CPNE8: variants seen among roughly 807,000 people sequenced by gnomAD.
CPNE8 encodes copine 8.
Under a neutral mutation model 81.5 loss-of-function variants are expected in CPNE8, and 45 were observed. That is an observed-to-expected ratio of 0.55 (90% CI 0.44 to 0.71). The LOEUF (loss-of-function observed/expected upper bound fraction) is 0.71, where lower values mean the gene tolerates loss of function less well. Among genes scored for constraint, CPNE8 ranks in the 30% least tolerant of loss-of-function variants. The pLI is 0.00. For missense variants in CPNE8, 594 were observed against 672.1 expected, an observed-to-expected ratio of 0.88 and a Z score of 1.28; for synonymous variants, 252 against 226.3, an observed-to-expected ratio of 1.11 and a Z score of -1.02.
At chr12:38,656,412 T>A (rs1276230289) in intron 19 of CPNE8, among the ~76,000 whole-genome samples, 1 of 151,812 alleles carries the variant, frequency 6.6e-6, no homozygotes, top group Non-Finnish European at 1.5e-5. Context: ...TGGCAAACAG[T>A]TGATGCTTCT....
chr12:38,903,828 C>A (rs1944524383), intron 1 of CPNE8, among the ~76,000 whole-genome samples: 1 of 152,162 alleles, frequency 6.6e-6, no homozygotes, highest in Admixed American at 6.5e-5. Context: ...GTTCCATTGA[C>A]AGAAAAATCT....
chr12:38,660,570 A>T (rs1484134710), intron 19 of CPNE8, among the ~76,000 whole-genome samples: 1 of 152,166 alleles, frequency 6.6e-6, no homozygotes, highest in African/African-American at 2.4e-5. Context: ...AGACTTCATG[A>T]CTAAAACACC....
chr12:38,866,850 A>G (rs1437947080), intron 3 of CPNE8, among the ~76,000 whole-genome samples: 1 of 152,110 alleles, frequency 6.6e-6, no homozygotes, highest in African/African-American at 2.4e-5. Flanking sequence ...TGGGTGTTCA[A>G]TCAAATATTA....
intron 6 of CPNE8, among the ~76,000 whole-genome samples, chr12:38,796,159 T>C (rs878933797): frequency 1.3e-5 from 2 of 152,078 alleles, no homozygotes; most frequent in African/African-American, 2.4e-5. Flanking sequence ...TGGCAGTGCA[T>C]GCCTGTAATT....
chr12:38,896,295 C>T (rs556478063), intron 1 of CPNE8, among the ~76,000 whole-genome samples: 1 of 152,124 alleles, frequency 6.6e-6, no homozygotes, highest in South Asian at 2.1e-4. Context: ...CTGACAAAAA[C>T]CCTCACAATT....
intron 8 of CPNE8, among the ~76,000 whole-genome samples, chr12:38,766,991 A>G (rs1941704331): frequency 6.6e-6 from 1 of 152,138 alleles, no homozygotes; most frequent in African/African-American, 2.4e-5. Flanking sequence ...TTAAGTAGCA[A>G]GGTTATTATT....
chr12:38,866,511 G>T (rs1231965859), intron 3 of CPNE8, among the ~76,000 whole-genome samples: 2 of 152,132 alleles, frequency 1.3e-5, no homozygotes, highest in Non-Finnish European at 2.9e-5. Flanking sequence ...CATTAGCTTT[G>T]TATGTTTCAT....
intron 2 of CPNE8, among the ~76,000 whole-genome samples, chr12:38,873,773 G>A (rs182108789): frequency 5.0e-4 from 76 of 152,074 alleles, no homozygotes; most frequent in Non-Finnish European, 5.0e-4. Context: ...TACAAGATTC[G>A]GAAACACATT....
intron 6 of CPNE8, among the ~76,000 whole-genome samples, chr12:38,806,371 G>T (rs375553024): frequency 1.3e-5 from 2 of 148,924 alleles, no homozygotes; most frequent in Non-Finnish European, 3.0e-5. Flanking sequence ...CTGGCAAACC[G>T]AATCCAGCAG....
In CPNE8 at chr12:38,685,753, A is replaced by G. The variant is rs1939519268; in HGVS notation, c.1144-136T>C. On this transcript the variant is annotated intron_variant, in intron 15 of 19. Coordinates refer to ENST00000331366, the MANE Select transcript of CPNE8 (RefSeq NM_153634.3). ...AGGAACTCTTATTCATAAATTTACA[A>G]TAGCAAAAAAATAATACATTAAGTA... The G allele has an allele frequency of 6.7e-6, 5 of 751,510 alleles. 1 individual carries two copies. In the South Asian group the frequency reaches 1.0e-4, roughly 15 times the overall value. The allele number at this position is 751,510 out of a possible 1,614,324, so 46.6% of individuals were successfully genotyped here. A position where few individuals can be genotyped will look rare whatever the true frequency, so the allele number is the denominator to read the frequency against.
intron 1 of CPNE8, among the ~76,000 whole-genome samples, chr12:38,883,868 T>C (rs192198187): frequency 6.6e-6 from 1 of 152,328 alleles, no homozygotes; most frequent in Non-Finnish European, 1.5e-5. Context: ...AGTGTCTAAC[T>C]TTCTGGTCAG....
chr12:38,704,633 A>G (rs1940041878), intron 13 of CPNE8, among the ~76,000 whole-genome samples: 1 of 151,942 alleles, frequency 6.6e-6, no homozygotes, highest in African/African-American at 2.4e-5. Context: ...CTGGCAACAC[A>G]GTACACTGTG....
chr12:38,744,613 G>C (rs1301479223), intron 10 of CPNE8, among the ~76,000 whole-genome samples: 4 of 152,092 alleles, frequency 2.6e-5, no homozygotes, highest in Non-Finnish European at 4.4e-5. Context: ...AGCTTCATGT[G>C]CTGTGGAGAA....
At chr12:38,886,153 T>A (rs1246139991) in intron 1 of CPNE8, among the ~76,000 whole-genome samples, 1 of 152,168 alleles carries the variant, frequency 6.6e-6, no homozygotes, top group African/African-American at 2.4e-5. Context: ...CCCACTTCAG[T>A]ACAATCACCA....
intron 12 of CPNE8, among the ~76,000 whole-genome samples, chr12:38,724,469 G>A (rs1690197093): frequency 6.6e-6 from 1 of 152,040 alleles, no homozygotes. Flanking sequence ...CCCACGAAAC[G>A]AGTCTTACTT....
chr12:38,889,197 A>G (rs78012427), intron 1 of CPNE8, among the ~76,000 whole-genome samples: 8,089 of 152,292 alleles, frequency 0.053, 688 homozygotes, highest in African/African-American at 0.18. Context: ...GATTATTTAT[A>G]TTCCATTAAG....
At chr12:38,756,945 G>A (rs572955623) in intron 10 of CPNE8, among the ~76,000 whole-genome samples, 2 of 152,146 alleles carry the variant, frequency 1.3e-5, no homozygotes, top group Non-Finnish European at 2.9e-5. Context: ...TAGTAATTTT[G>A]TATTGATTCT....
rs527443099 is a variant in CPNE8, at chr12:38,652,941, AGAGAGCCAGTATCCCTTT to A, written c.*923_*940del. On this transcript the variant is annotated 3_prime_UTR_variant, in exon 20 of 20. Coordinates refer to ENST00000331366, the MANE Select transcript of CPNE8 (RefSeq NM_153634.3). ...TGGTGATAACAAGAAATTCCGATCA[AGAGAGCCAGTATCCCTTT>A]GAATTAAAATATCTAGACAAGATAT... 2.0e-5 allele frequency: 3 copies of A among 152,778 alleles called. No homozygotes were observed. In the East Asian group the frequency reaches 5.8e-4, roughly 29 times the overall value. 9.5% of individuals were successfully genotyped at this position (152,778 alleles called of 1,614,324 possible).
intron 1 of CPNE8, among the ~76,000 whole-genome samples, chr12:38,905,001 T>C (rs999749741): frequency 6.6e-6 from 1 of 151,986 alleles, no homozygotes; most frequent in African/African-American, 2.4e-5. Flanking sequence ...GAGCCAACCC[T>C]AGCAACAGCA....
Sources: gnomAD v4.1 joint callset for allele counts (sites outside exome capture counted in the v4.1 genomes callset) on GRCh38, gnomAD v4.1.1 for gene constraint, MANE v1.5 for transcripts, NCBI Gene and HGNC (gene_info 2026-07-23, HGNC 2026-07-21) for gene names.